KATNAL1: variants seen among roughly 807,000 people sequenced by gnomAD.
The protein encoded by KATNAL1 is katanin p60 ATPase-containing subunit A-like 1.
In KATNAL1, 32 loss-of-function variants were observed where a neutral mutation model predicts 55.2. That is an observed-to-expected ratio of 0.58 (90% CI 0.44 to 0.78). The LOEUF is 0.78. Among genes scored for constraint, KATNAL1 ranks in the 30% least tolerant of loss-of-function variants. The pLI is 0.00. For missense variants in KATNAL1, 466 were observed against 600.9 expected, an observed-to-expected ratio of 0.78 and a Z score of 2.35; for synonymous variants, 193 against 193.6, an observed-to-expected ratio of 1.00 and a Z score of 0.02.
chr13:30,261,382 T>C (rs1434341690), intron 3 of KATNAL1, among the ~76,000 whole-genome samples: 1 of 151,948 alleles, frequency 6.6e-6, no homozygotes, highest in Non-Finnish European at 1.5e-5. Context: ...TAACTTTCAA[T>C]GTAAATGGAC....
At chr13:30,292,593 C>A (rs1346944084) in intron 1 of KATNAL1, among the ~76,000 whole-genome samples, 2 of 152,166 alleles carry the variant, frequency 1.3e-5, no homozygotes, top group African/African-American at 4.8e-5. Flanking sequence ...GAGAAAGACA[C>A]TATCTCTTTC....
At chr13:30,296,426 G>A in intron 1 of KATNAL1, 1 of 876,866 alleles carries the variant, frequency 1.1e-6, no homozygotes, top group Non-Finnish European at 1.9e-6. Context: ...CCGGAAGGAG[G>A]GAGGCTTGGG....
At chr13:30,215,264 G>C (rs531212891) in intron 9 of KATNAL1, among the ~76,000 whole-genome samples, 142 of 152,102 alleles carry the variant, frequency 9.3e-4, no homozygotes, top group African/African-American at 3.3e-3. Flanking sequence ...TCATTAAAAA[G>C]TCAGGAAACA....
chr13:30,283,266 C>CAAAAAA (rs35463025), intron 2 of KATNAL1, among the ~76,000 whole-genome samples: 23 of 34,974 alleles, frequency 6.6e-4, no homozygotes, highest in Non-Finnish European at 8.7e-4. Context: ...GACTCTGTCT[C>CAAAAAA]AAAAAAAAAA....
intron 4 of KATNAL1, among the ~76,000 whole-genome samples, chr13:30,249,089 G>A (rs954978682): frequency 4.6e-5 from 7 of 151,798 alleles, no homozygotes; most frequent in East Asian, 1.9e-4. Flanking sequence ...AAAATTAGCC[G>A]GCTGTGGTGG....
intron 6 of KATNAL1, among the ~76,000 whole-genome samples, chr13:30,231,993 A>G (rs1018146741): frequency 2.0e-5 from 3 of 152,214 alleles, no homozygotes; most frequent in Non-Finnish European, 4.4e-5. Flanking sequence ...GTGGTAATTC[A>G]AACATAATCA....
intron 1 of KATNAL1, among the ~76,000 whole-genome samples, chr13:30,288,612 G>T (rs1881944514): frequency 6.6e-6 from 1 of 152,040 alleles, no homozygotes; most frequent in African/African-American, 2.4e-5. Flanking sequence ...TGTAATTTTA[G>T]GTTGAATTCA....
chr13:30,240,094 A>C (rs1246666942), intron 6 of KATNAL1, among the ~76,000 whole-genome samples: 1 of 150,916 alleles, frequency 6.6e-6, no homozygotes, highest in Non-Finnish European at 1.5e-5. Context: ...GAAATATTCC[A>C]ACTTTTGAAA....
intron 3 of KATNAL1, among the ~76,000 whole-genome samples, chr13:30,263,462 T>C (rs1879480663): frequency 6.6e-6 from 1 of 151,362 alleles, no homozygotes. Context: ...ATTGTATATC[T>C]AGAAAACCCC....
At chr13:30,225,537 A>C (rs1364436586) in intron 9 of KATNAL1, among the ~76,000 whole-genome samples, 2 of 152,196 alleles carry the variant, frequency 1.3e-5, no homozygotes, top group East Asian at 3.8e-4. Context: ...CCACACATAC[A>C]CAACAAAATA....
intron 3 of KATNAL1, among the ~76,000 whole-genome samples, chr13:30,276,365 T>C (rs1297536671): frequency 2.6e-5 from 4 of 151,936 alleles, no homozygotes; most frequent in Admixed American, 1.3e-4. Flanking sequence ...TAGTCAGCAA[T>C]AGGAATGGAG....
chr13:30,255,831 C>G (rs979089156), intron 3 of KATNAL1, among the ~76,000 whole-genome samples: 1 of 151,968 alleles, frequency 6.6e-6, no homozygotes, highest in African/African-American at 2.4e-5. Context: ...TAAATACACA[C>G]AAATGACACA....
At chr13:30,237,524 T>G in intron 6 of KATNAL1, among the ~76,000 whole-genome samples, 1 of 152,212 alleles carries the variant, frequency 6.6e-6, no homozygotes, top group East Asian at 1.9e-4. Context: ...TTTTAAATGT[T>G]GCCTTTATAA....
rs1873187940 is a variant in KATNAL1, at chr13:30,206,722, C to CTAA, written c.*1815_*1817dup. On this transcript the variant is annotated 3_prime_UTR_variant, in exon 11 of 11. Coordinates refer to ENST00000380615, the MANE Select transcript of KATNAL1 (RefSeq NM_032116.5). ...CAAACAAGTTTTAACAATCACAAGA[C>CTAA]TAATGTTTTAGTGACGGCTCCTAAA... is the stretch of plus-strand genomic sequence containing the variant. The CTAA allele has an allele frequency of 6.6e-6, 1 of 151,864 alleles. No homozygotes were observed. The highest frequency in any genetic ancestry group is 2.1e-4 in the South Asian group (1 of 4,802). 9.4% of individuals were successfully genotyped at this position (151,864 alleles called of 1,614,324 possible).
intron 4 of KATNAL1, among the ~76,000 whole-genome samples, chr13:30,255,178 G>A (rs1389287994): frequency 6.6e-6 from 1 of 151,786 alleles, no homozygotes; most frequent in African/African-American, 2.4e-5. Context: ...TTTCAAAAAA[G>A]TTTTAAAGCC....
intron 4 of KATNAL1, among the ~76,000 whole-genome samples, chr13:30,242,225 C>A (rs1877351956): frequency 6.6e-6 from 1 of 152,070 alleles, no homozygotes; most frequent in African/African-American, 2.4e-5. Context: ...GGAGCTTGAG[C>A]CTTCATATGG....
intron 3 of KATNAL1, among the ~76,000 whole-genome samples, chr13:30,256,402 C>G (rs575791982): frequency 6.6e-6 from 1 of 152,204 alleles, no homozygotes; most frequent in African/African-American, 2.4e-5. Context: ...TCTATCACTT[C>G]GTGTCTAATC....
At chr13:30,251,159 AT>A (rs1258771298) in intron 4 of KATNAL1, among the ~76,000 whole-genome samples, 3 of 151,718 alleles carry the variant, frequency 2.0e-5, no homozygotes, top group African/African-American at 7.3e-5. Flanking sequence ...AAAAAAAAAA[AT>A]ACTTGAGAAT....
chr13:30,297,476 A>G (rs915116641), intron 1 of KATNAL1, among the ~76,000 whole-genome samples: 1 of 152,240 alleles, frequency 6.6e-6, no homozygotes, highest in Non-Finnish European at 1.5e-5. Context: ...AAAGAACTTA[A>G]AACGGAACTA....
Sources: allele counts gnomAD v4.1 joint callset (sites outside exome capture counted in the v4.1 genomes callset), GRCh38; gene constraint gnomAD v4.1.1; transcripts MANE v1.5; gene names NCBI Gene and HGNC (gene_info 2026-07-23, HGNC 2026-07-21).